SLC22A25: variants seen among roughly 807,000 people sequenced by gnomAD.
The protein encoded by SLC22A25 is MGI:2442751, MGI:2385316, MGI:3042283, MGI:3645714, MGI:3605624, MGI:2442750.
SLC22A25 carries 44 observed loss-of-function variants against 45.9 expected under a neutral mutation model. The observed-to-expected ratio is 0.96, with a 90% CI of 0.75 to 1.23. The LOEUF (loss-of-function observed/expected upper bound fraction) is 1.23. SLC22A25 is among the 50% of genes most tolerant of loss of function. The pLI is 0.00. For missense variants in SLC22A25, 800 were observed against 666.4 expected (o/e 1.20, Z -2.21); for synonymous variants, 283 against 238.6 (o/e 1.19, Z -1.72).
intron 3 of SLC22A25, among the ~76,000 whole-genome samples, 166 bp from the exon 4 acceptor site, chr11:63,230,262 T>A (rs1179540504): frequency 6.6e-6 from 1 of 152,240 alleles, no homozygotes; most frequent in African/African-American, 2.4e-5. Flanking sequence ...AAACTCACAC[T>A]GGAAGTAAAT....
At chr11:63,211,634 A>T (rs2089565757) in intron 7 of SLC22A25, among the ~76,000 whole-genome samples, 1 of 152,180 alleles carries the variant, frequency 6.6e-6, no homozygotes, top group Admixed American at 6.5e-5. Flanking sequence ...CTGAAACTGG[A>T]TCCCTTCCTT....
chr11:63,207,896 T>C (rs897549342), intron 7 of SLC22A25, among the ~76,000 whole-genome samples: 4 of 152,096 alleles, frequency 2.6e-5, no homozygotes, highest in Non-Finnish European at 4.4e-5. Context: ...GTAATATGCT[T>C]CCCCCTGCAC....
intron 7 of SLC22A25, among the ~76,000 whole-genome samples, chr11:63,206,647 A>C (rs2089411856): frequency 6.6e-6 from 1 of 152,196 alleles, no homozygotes; most frequent in Non-Finnish European, 1.5e-5. Flanking sequence ...AAATACAAAC[A>C]ATGGAAAAAT....
chr11:63,183,887 G>A, intron 7 of SLC22A25, 70 bp from the exon 8 acceptor site: 2 of 1,597,784 alleles, frequency 1.3e-6, no homozygotes, highest in Non-Finnish European at 8.5e-7. Context: ...CATTTATCCT[G>A]AGATGCCTTT....
chr11:63,181,670 A>G (rs1283103517), intron 8 of SLC22A25, among the ~76,000 whole-genome samples: 1 of 152,036 alleles, frequency 6.6e-6, no homozygotes, highest in South Asian at 2.1e-4. Flanking sequence ...TGAGACAGGC[A>G]TGCTGTAGTG....
chr11:63,210,849 G>C (rs1000092681), intron 7 of SLC22A25, among the ~76,000 whole-genome samples: 1 of 152,172 alleles, frequency 6.6e-6, no homozygotes, highest in Non-Finnish European at 1.5e-5. Flanking sequence ...GGCACAAAAA[G>C]TACAGCATGA....
intron 7 of SLC22A25, among the ~76,000 whole-genome samples, chr11:63,189,062 C>T (rs2088684423): frequency 6.6e-6 from 1 of 152,118 alleles, no homozygotes; most frequent in East Asian, 1.9e-4. Flanking sequence ...TCTATTAGGT[C>T]CACTTGGTGA....
chr11:63,204,233 T>G (rs577654988), intron 7 of SLC22A25, among the ~76,000 whole-genome samples: 2 of 152,278 alleles, frequency 1.3e-5, no homozygotes, highest in South Asian at 2.1e-4. Context: ...ATTGACAATA[T>G]GAAGAAACGG....
At chr11:63,187,744 T>C (rs1269559851) in intron 7 of SLC22A25, among the ~76,000 whole-genome samples, 3 of 152,216 alleles carry the variant, frequency 2.0e-5, no homozygotes, top group Non-Finnish European at 4.4e-5. Flanking sequence ...ATTGAGAATT[T>C]TTAGGATGAA....
rs1460750362 is a variant in SLC22A25 at position 63,217,441 on chromosome 11, T to A, written c.703A>T (p.Thr235Ser). ...ATACTAGCAGCACAAAGTGTCAATG[T>A]CAATGCCATGGCACAGAATTGGTGA... ...ITHQFCAMAL[T>S]LTLCAASIGH... Residue 235 changes from threonine to serine, a missense_variant, in exon 7 of 12, where the codon ACA becomes TCA. Thr to Ser is a moderately conservative substitution (Grantham distance 58, BLOSUM62 1). Transcript: ENST00000306494. The A allele has an allele frequency of 7.4e-6, 12 of 1,613,952 alleles. No individual in the cohort carries two copies. The Admixed American group carries it at 2.0e-4, about 27-fold the overall frequency.
intron 7 of SLC22A25, among the ~76,000 whole-genome samples, chr11:63,191,558 C>A (rs534393322): frequency 3.9e-5 from 6 of 152,234 alleles, no homozygotes; most frequent in African/African-American, 1.4e-4. Context: ...CTGTCCTGCA[C>A]CCACTGTCTG....
chr11:63,198,180 T>A (rs1469230927), intron 7 of SLC22A25, among the ~76,000 whole-genome samples: 1 of 152,176 alleles, frequency 6.6e-6, no homozygotes, highest in Non-Finnish European at 1.5e-5. Flanking sequence ...TCCTGAAGGA[T>A]CTAGAACTAG....
rs994786825 is a variant in SLC22A25 at position 63,160,745 on chromosome 11, T to A, written c.*3079A>T. On this transcript the variant is annotated 3_prime_UTR_variant, in exon 12 of 12. Transcript: ENST00000306494. ...ACAAAAGCAGCCAGGAGGGAGGCTGTACCCTGCAAAGCCACAGAAGCAGAG... is the reference window on the plus strand; with the variant it reads ...ACAAAAGCAGCCAGGAGGGAGGCTGAACCCTGCAAAGCCACAGAAGCAGAG... 2.0e-5 allele frequency among the ~76,000 whole-genome samples: 3 copies of A among 152,100 alleles called. No individual in the cohort carries two copies. Among genetic ancestry groups the A allele is most frequent in the African/African-American group, 7.2e-5 (3 of 41,406 alleles).
rs1376651566 is a variant in SLC22A25, at chr11:63,162,779, A to C, written c.*1045T>G. On this transcript the variant is annotated 3_prime_UTR_variant, in exon 12 of 12. Transcript: ENST00000306494. ...TTTAACCATTTAGAATCACAGTTGT[A>C]AATGGAATGTATTTATCCATTATAT... Among the ~76,000 whole-genome samples, 1 of 152,206 alleles carries C rather than the reference A, an allele frequency of 6.6e-6. No homozygotes were observed. The highest frequency in any genetic ancestry group is 2.4e-5 in the African/African-American group (1 of 41,464).
At chr11:63,241,292 G>C (rs2090244008) in intron 1 of SLC22A25, among the ~76,000 whole-genome samples, 1 of 152,216 alleles carries the variant, frequency 6.6e-6, no homozygotes. Flanking sequence ...TTGAGCCACA[G>C]AAGGAACCCT....
chr11:63,240,180 T>C (rs2090225409), intron 1 of SLC22A25, among the ~76,000 whole-genome samples: 2 of 152,068 alleles, frequency 1.3e-5, no homozygotes, highest in Non-Finnish European at 2.9e-5. Context: ...ATAGAAAAGT[T>C]AGAGTAAAAA....
intron 7 of SLC22A25, among the ~76,000 whole-genome samples, chr11:63,211,593 C>T (rs1218117288): frequency 6.6e-6 from 1 of 152,118 alleles, no homozygotes; most frequent in Admixed American, 6.5e-5. Flanking sequence ...ATTTTTGGTG[C>T]TGGGAAAATT....
At position 63,228,531 on chromosome 11, in the gene SLC22A25, A is replaced by T; in HGVS notation, c.436T>A (p.Ser146Thr). Residue 146 changes from serine to threonine, a missense_variant, in exon 5 of 12, where the codon TCA becomes ACA. Physicochemically the swap from Ser to Thr is moderately conservative, Grantham distance 58 (BLOSUM62 1). Transcript: ENST00000306494. ...DLVCESQPLN[S>T]VAKFLFMAGM... ...GCCATGAATAGAAATTTAGCTACTGAATTCAGTGGTTGAGATTCGCATACC... is the reference window on the plus strand; with the variant it reads ...GCCATGAATAGAAATTTAGCTACTGTATTCAGTGGTTGAGATTCGCATACC... The T allele has an allele frequency of 6.2e-7, 1 of 1,613,866 alleles. No homozygotes were observed. Among genetic ancestry groups the T allele is most frequent in the Non-Finnish European group, 8.5e-7 (1 of 1,179,906 alleles).
chr11:63,211,603 T>C (rs1284427489), intron 7 of SLC22A25, among the ~76,000 whole-genome samples: 4 of 152,184 alleles, frequency 2.6e-5, no homozygotes, highest in African/African-American at 9.7e-5. Context: ...CTGGGAAAAT[T>C]GGCTAGCCAT....
Sources: gnomAD v4.1 joint callset for allele counts (sites outside exome capture counted in the v4.1 genomes callset) on GRCh38, gnomAD v4.1.1 for gene constraint, MANE v1.5 for transcripts, NCBI Gene and HGNC (gene_info 2026-07-23, HGNC 2026-07-21) for gene names.